Variants in COG6 observed in about 807,000 individuals in gnomAD.
The protein encoded by COG6 is conserved oligomeric Golgi complex subunit 6.
A neutral mutation model predicts 88.8 loss-of-function variants in COG6; 74 were observed. The observed-to-expected ratio is 0.83, with a 90% CI of 0.69 to 1.01. COG6 has a LOEUF of 1.01. COG6 is among the 50% of genes least tolerant of loss of function. COG6 has a pLI of 0.00. For missense variants in COG6, 800 were observed against 797.9 expected (o/e 1.00, Z -0.03); for synonymous variants, 286 against 278.7 (o/e 1.03, Z -0.26).
chr13:39,789,416 C>T (rs1031673169), exon 19 of COG6: 1 of 152,186 alleles, frequency 6.6e-6, no homozygotes, highest in Non-Finnish European at 1.5e-5. Flanking sequence ...CAATATGTCA[C>T]TACGTTCAAT....
At chr13:39,724,241 G>C (rs1465887682) in intron 16 of COG6, among the ~76,000 whole-genome samples, 1 of 151,828 alleles carries the variant, frequency 6.6e-6, no homozygotes, top group East Asian at 1.9e-4. Flanking sequence ...GTGCTTCATT[G>C]CCTTCATTTT....
At chr13:39,679,246 C>T (rs1306650341) in intron 5 of COG6, 4 of 392,112 alleles carry the variant, frequency 1.0e-5, no homozygotes, top group African/African-American at 2.0e-5. Flanking sequence ...CACTAGACTA[C>T]GTACACTTCT....
intron 18 of COG6, among the ~76,000 whole-genome samples, chr13:39,742,246 C>T (rs1272914065): frequency 1.3e-5 from 2 of 152,160 alleles, no homozygotes; most frequent in Non-Finnish European, 2.9e-5. Context: ...CAGATTCACA[C>T]ATAACAATAT....
chr13:39,656,025 C>A, intron 1 of COG6, 146 bp downstream of exon 1: 4 of 1,063,528 alleles, frequency 3.8e-6, no homozygotes, highest in Non-Finnish European at 5.7e-6. Flanking sequence ...GGCTCCGCTG[C>A]TCTGCGGGCG....
Position 39,675,390 on chromosome 13 carries a change from A to G in COG6, c.429-2078A>G, listed in dbSNP as rs944553537. 3.3e-5 allele frequency among the ~76,000 whole-genome samples: 5 copies of G among 152,302 alleles called. No individual in the cohort carries two copies. In the East Asian group the frequency reaches 7.7e-4, roughly 23 times the overall value. ...CCATCTAACAATAACTTCCTGTCAGAATGGTTGTGAAAATTTACCTGGAAA... is the reference window on the plus strand; with the variant it reads ...CCATCTAACAATAACTTCCTGTCAGGATGGTTGTGAAAATTTACCTGGAAA... On this transcript the variant is annotated intron_variant, in intron 4 of 18. Transcript: ENST00000455146.
intron 18 of COG6, among the ~76,000 whole-genome samples, chr13:39,760,559 C>T (rs1160203729): frequency 6.6e-6 from 1 of 152,102 alleles, no homozygotes; most frequent in East Asian, 1.9e-4. Flanking sequence ...AATAATTTCT[C>T]CACTGAACTA....
intron 4 of COG6, among the ~76,000 whole-genome samples, chr13:39,674,464 A>G (rs1157289361): frequency 1.3e-5 from 2 of 152,172 alleles, no homozygotes; most frequent in African/African-American, 4.8e-5. Flanking sequence ...TTCATAAATC[A>G]TGTTCTGGGC....
downstream of COG6, among the ~76,000 whole-genome samples, chr13:39,753,126 G>T (rs1401781069): frequency 6.6e-6 from 1 of 152,202 alleles, no homozygotes; most frequent in Non-Finnish European, 1.5e-5. Context: ...CCAAATTCAT[G>T]TTGAAATCCT....
chr13:39,712,260 A>G (rs1341537579), intron 13 of COG6, among the ~76,000 whole-genome samples: 1 of 152,090 alleles, frequency 6.6e-6, no homozygotes, highest in Non-Finnish European at 1.5e-5. Context: ...TATGGATCCC[A>G]TTCTTCCACG....
At chr13:39,684,134 A>G (rs1025430015) in intron 8 of COG6, among the ~76,000 whole-genome samples, 2 of 152,056 alleles carry the variant, frequency 1.3e-5, no homozygotes, top group African/African-American at 4.8e-5. Context: ...CTACATGGCA[A>G]TCTGGGAAAA....
chr13:39,676,126 T>TA (rs1316123111), intron 4 of COG6, among the ~76,000 whole-genome samples: 1 of 152,124 alleles, frequency 6.6e-6, no homozygotes, highest in Admixed American at 6.5e-5. Context: ...CAGTAGAACT[T>TA]ACTCTTCCTA....
intron 15 of COG6, among the ~76,000 whole-genome samples, chr13:39,720,866 C>T (rs949474107): frequency 6.6e-6 from 1 of 151,918 alleles, no homozygotes; most frequent in Non-Finnish European, 1.5e-5. Flanking sequence ...TTATCTACTG[C>T]CACTCCCCCA....
In COG6 at chr13:39,666,954, T is replaced by C. The variant is rs528848425; in HGVS notation, c.428+1800T>C. Among the ~76,000 whole-genome samples, 7 of 152,328 alleles carry C rather than the reference T, an allele frequency of 4.6e-5. No individual in the cohort carries two copies. The South Asian group carries it at 1.2e-3, about 27-fold the overall frequency. On this transcript the variant is annotated intron_variant, in intron 4 of 18. Transcript: ENST00000455146. ...GGATATTGGAACATGTACCTTATCT[T>C]AGACCTGTGGCTTTCAAACCATAGT...
chr13:39,676,907 G>A (rs537946096), intron 4 of COG6, among the ~76,000 whole-genome samples: 1 of 152,052 alleles, frequency 6.6e-6, no homozygotes, highest in Non-Finnish European at 1.5e-5. Context: ...AATTTAAAAG[G>A]TTGTTTTTAT....
At chr13:39,778,802 G>A (rs992731131) in intron 18 of COG6, among the ~76,000 whole-genome samples, 5 of 152,206 alleles carry the variant, frequency 3.3e-5, no homozygotes, top group South Asian at 2.1e-4. Context: ...TGGCTGACAC[G>A]TTGGTCTGGT....
chr13:39,695,936 A>G (rs1332889724), intron 12 of COG6, among the ~76,000 whole-genome samples: 1 of 152,014 alleles, frequency 6.6e-6, no homozygotes, highest in East Asian at 1.9e-4. Flanking sequence ...CTGTGTTATA[A>G]AAAGATGCTG....
rs144553891 is a variant in COG6, at chr13:39,772,818, G to A, written c.1827-15517G>A. ...TCCTGCCCCCATTGAGGAACTGAAG[G>A]CTTTTACAGAGCCTCCAAATGTTCC... On this transcript the variant is annotated intron_variant, in intron 18 of 18. Transcript: ENST00000416691. Among the ~76,000 whole-genome samples the A allele has an allele frequency of 1.3e-4, 20 of 152,316 alleles. No individual in the cohort carries two copies. In the East Asian group the frequency reaches 2.5e-3, roughly 19 times the overall value.
chr13:39,729,299 C>T (rs1001623865), intron 18 of COG6, among the ~76,000 whole-genome samples: 6 of 152,088 alleles, frequency 3.9e-5, no homozygotes, highest in African/African-American at 1.4e-4. Flanking sequence ...CAAAACCATC[C>T]CCCAACTTCT....
chr13:39,764,764 G>A (rs1052715601), intron 18 of COG6, among the ~76,000 whole-genome samples: 2 of 151,908 alleles, frequency 1.3e-5, no homozygotes, highest in African/African-American at 2.4e-5. Flanking sequence ...TTATTCATAC[G>A]TACTTTATGG....
Sources: allele counts gnomAD v4.1 joint callset (sites outside exome capture counted in the v4.1 genomes callset), GRCh38; gene constraint gnomAD v4.1.1; transcripts MANE v1.5; gene names NCBI Gene and HGNC (gene_info 2026-07-23, HGNC 2026-07-21).